Variants in CLCC1 observed in about 807,000 individuals in gnomAD.
The protein encoded by CLCC1 is chloride channel CLIC like 1, also known as chloride channel CLIC-like protein 1.
Under a neutral mutation model 63.3 loss-of-function variants are expected in CLCC1, and 39 were observed. The ratio of observed to expected loss-of-function variants is 0.62; its 90% CI spans 0.48 to 0.81. The LOEUF (loss-of-function observed/expected upper bound fraction) is 0.81. Among genes scored for constraint, CLCC1 ranks in the 30% least tolerant of loss-of-function variants. The pLI is 0.00. For missense variants in CLCC1, 549 were observed against 669.4 expected, an observed-to-expected ratio of 0.82 and a Z score of 1.98; for synonymous variants, 217 against 239.8, an observed-to-expected ratio of 0.90 and a Z score of 0.88.
chr1:108,955,586 G>C (rs1330531054), intron 2 of CLCC1, among the ~76,000 whole-genome samples: 3 of 151,508 alleles, frequency 2.0e-5, no homozygotes, highest in Non-Finnish European at 4.4e-5. Context: ...AAAACCTAGA[G>C]AACTGCAAAG....
intron 2 of CLCC1, among the ~76,000 whole-genome samples, chr1:108,955,232 T>TA (rs1445229511): frequency 6.6e-6 from 1 of 151,358 alleles, no homozygotes; most frequent in African/African-American, 2.5e-5. Flanking sequence ...GGAAGGACAG[T>TA]AAGTTGGCAA....
chr1:108,939,931 G>T (rs1286631276), intron 9 of CLCC1, 114 bp downstream of exon 9: 2 of 1,271,310 alleles, frequency 1.6e-6, no homozygotes, highest in Non-Finnish European at 1.1e-6. Context: ...CTGTGCAAAA[G>T]TATTTTTTCT....
chr1:108,950,485 TA>T lies in CLCC1; in HGVS notation c.-11-38del, dbSNP rs754292472. 8.4e-6 allele frequency: 10 copies of T among 1,186,918 alleles called. No individual in the cohort carries two copies. The South Asian group carries it at 1.5e-4, about 17-fold the overall frequency. The allele number at this position is 1,186,918 out of a possible 1,614,324, so 73.5% of individuals were successfully genotyped here. A position where few individuals can be genotyped will look rare whatever the true frequency, so the allele number is the denominator to read the frequency against. On this transcript the variant is annotated intron_variant, in intron 2 of 12. Transcript: ENST00000369969. ...TTTAATATATATAATGAAATAGAAT[TA>T]TTTTTTTAAATAAATTGGGTTTTGG... is the stretch of plus-strand genomic sequence containing the variant.
intron 6 of CLCC1, 108 bp downstream of exon 6, chr1:108,943,728 A>G (rs1654155957): frequency 6.9e-7 from 1 of 1,449,620 alleles, no homozygotes; most frequent in Admixed American, 2.0e-5. Flanking sequence ...GTTCATCAAT[A>G]CGGTATAAGT....
intron 4 of CLCC1, among the ~76,000 whole-genome samples, chr1:108,949,544 G>A (rs1027472941): frequency 4.6e-5 from 7 of 152,098 alleles, no homozygotes; most frequent in Admixed American, 3.9e-4. Context: ...TCAATAAAAC[G>A]TATTCCTTGC....
rs1192915307 is a variant in CLCC1, at chr1:108,929,768, A to G, written c.*2779T>C. 1 of 1,613,772 alleles carries G rather than the reference A, an allele frequency of 6.2e-7. No homozygotes were observed. Among genetic ancestry groups the G allele is most frequent in the Admixed American group, 1.7e-5 (1 of 60,028 alleles). ...ACCACAAAGGGTCCGACAGTACCAG[A>G]TGAAGACTTTTTCAGCCTTATTTTA... On this transcript the variant is annotated 3_prime_UTR_variant, in exon 13 of 13. Coordinates refer to ENST00000369969, the MANE Select transcript of CLCC1 (RefSeq NM_001377458.1).
intron 4 of CLCC1, 84 bp downstream of exon 4, chr1:108,949,736 A>C: frequency 1.4e-6 from 1 of 724,620 alleles, no homozygotes; most frequent in Non-Finnish European, 2.2e-6. Context: ...AAACACTAGA[A>C]ATACAAATTT....
In CLCC1 at chr1:108,937,433, A is replaced by G. The variant is rs2101627022; in HGVS notation, c.1042-15T>C. 2 of 1,548,106 alleles carry G rather than the reference A, an allele frequency of 1.3e-6. No individual in the cohort carries two copies. Among genetic ancestry groups the G allele is most frequent in the Middle Eastern group, 3.5e-4 (2 of 5,762 alleles). Reference sequence around the variant, plus strand: ...TAGCAGAAACTCTGTAAGGAAAAGAAATACATTTTCCTGAGGACTCAATGG... The same window carrying G: ...TAGCAGAAACTCTGTAAGGAAAAGAGATACATTTTCCTGAGGACTCAATGG... On this transcript the variant is annotated splice_polypyrimidine_tract_variant and intron_variant, in intron 10 of 12. Transcript: ENST00000369969.
At chr1:108,958,050 A>T (rs1200740160) in intron 2 of CLCC1, among the ~76,000 whole-genome samples, 1 of 151,306 alleles carries the variant, frequency 6.6e-6, no homozygotes, top group African/African-American at 2.5e-5. Flanking sequence ...AGAGCAGACA[A>T]ATATGTTGAA....
chr1:108,949,697 T>G (rs545591034), intron 4 of CLCC1, 123 bp downstream of exon 4: 8 of 533,016 alleles, frequency 1.5e-5, no homozygotes, highest in Admixed American at 4.0e-5. Flanking sequence ...AAAGAAAAAT[T>G]TGACATATAA....
intron 11 of CLCC1, among the ~76,000 whole-genome samples, chr1:108,936,832 A>G (rs917397014): frequency 1.3e-5 from 2 of 152,250 alleles, no homozygotes; most frequent in Non-Finnish European, 2.9e-5. Flanking sequence ...GAAGGTTCAT[A>G]TGAATTACCA....
At chr1:108,962,119 G>A (rs777256085) in intron 2 of CLCC1, among the ~76,000 whole-genome samples, 190 bp downstream of exon 2, 38 of 152,212 alleles carry the variant, frequency 2.5e-4, no homozygotes, top group Non-Finnish European at 5.3e-4. Flanking sequence ...GAGTGGAGAG[G>A]ACCTGTTGGA....
chr1:108,930,045 T>C lies in CLCC1; in HGVS notation c.*2502A>G. 2.0e-6 allele frequency: 2 copies of C among 1,018,058 alleles called. No homozygotes were observed. The highest frequency in any genetic ancestry group is 3.0e-6 in the Non-Finnish European group (2 of 677,742). The allele number at this position is 1,018,058 out of a possible 1,614,324, so 63.1% of individuals were successfully genotyped here. On this transcript the variant is annotated 3_prime_UTR_variant, in exon 13 of 13. Coordinates refer to ENST00000369969, the MANE Select transcript of CLCC1 (RefSeq NM_001377458.1). ...TAGCACTGTAATACAGCTTAAAATA[T>C]TTTTAGAATGATGTAAATAGTTAAC...
chr1:108,953,961 G>A (rs1035848575), intron 2 of CLCC1, among the ~76,000 whole-genome samples: 10 of 136,978 alleles, frequency 7.3e-5, no homozygotes, highest in Admixed American at 3.2e-4. Flanking sequence ...AGTGAGCCAA[G>A]ATCATGCCAT....
In CLCC1 at chr1:108,948,239, A is replaced by G. The variant is rs182262157; in HGVS notation, c.232-521T>C. On this transcript the variant is annotated intron_variant, in intron 4 of 12. Coordinates refer to ENST00000369969, the MANE Select transcript of CLCC1 (RefSeq NM_001377458.1). ...GCCTTTTATTAATGTTTTAATCAGC[A>G]ATTAATCATCCCATGCTGTATGGAA... Among the ~76,000 whole-genome samples, 791 of 146,448 alleles carry G rather than the reference A, an allele frequency of 5.4e-3. 12 individuals carry two copies. Among genetic ancestry groups the G allele is most frequent in the African/African-American group, 0.02 (740 of 36,104 alleles).
intron 2 of CLCC1, among the ~76,000 whole-genome samples, chr1:108,960,880 G>A (rs896036034): frequency 6.6e-6 from 1 of 151,994 alleles, no homozygotes; most frequent in Admixed American, 6.6e-5. Flanking sequence ...TAGAGACAGG[G>A]TCTTGCTATG....
chr1:108,963,213 G>T (rs144654804), intron 1 of CLCC1, 148 bp downstream of exon 1: 17,769 of 459,756 alleles, frequency 0.039, 445 homozygotes, highest in Non-Finnish European at 0.049. Context: ...AGGCCGCAGC[G>T]GACGCACGCA....
chr1:108,955,850 T>C (rs1297109878), intron 2 of CLCC1, among the ~76,000 whole-genome samples: 1 of 151,602 alleles, frequency 6.6e-6, no homozygotes, highest in East Asian at 1.9e-4. Flanking sequence ...AGCCCCTAGG[T>C]TCTCAGGCCT....
chr1:108,962,837 C>A (rs1463855123), intron 1 of CLCC1, among the ~76,000 whole-genome samples: 1 of 149,286 alleles, frequency 6.7e-6, no homozygotes, highest in Non-Finnish European at 1.5e-5. Flanking sequence ...CACCACCGCA[C>A]TCCAGCCTGG....
Sources: allele counts gnomAD v4.1 joint callset (sites outside exome capture counted in the v4.1 genomes callset), GRCh38; gene constraint gnomAD v4.1.1; transcripts MANE v1.5; gene names NCBI Gene and HGNC (gene_info 2026-07-23, HGNC 2026-07-21).